TRIO: variants seen among roughly 807,000 people sequenced by gnomAD.
The protein encoded by TRIO is trio Rho guanine nucleotide exchange factor.
In TRIO, 58 loss-of-function variants were observed where a neutral mutation model predicts 351.9. That is an observed-to-expected ratio of 0.16 (90% CI 0.13 to 0.21). TRIO has a LOEUF of 0.21. TRIO is among the 10% of genes least tolerant of loss of function. TRIO has a pLI of 1.00. For missense variants in TRIO, 3,201 were observed against 4,027.8 expected (o/e 0.79, Z 5.56); for synonymous variants, 1,758 against 1,595.7 (o/e 1.10, Z -2.42).
At chr5:14,229,229 T>G (rs1793246415) in intron 1 of TRIO, among the ~76,000 whole-genome samples, 1 of 152,202 alleles carries the variant, frequency 6.6e-6, no homozygotes, top group African/African-American at 2.4e-5. Flanking sequence ...GGCTATTAAC[T>G]TTCTGTAAAT....
intron 1 of TRIO, among the ~76,000 whole-genome samples, chr5:14,181,213 A>G (rs1237143225): frequency 6.6e-6 from 1 of 151,826 alleles, no homozygotes; most frequent in Non-Finnish European, 1.5e-5. Flanking sequence ...TAGAATTTCT[A>G]CAAATACCGT....
chr5:14,311,103 T>C (rs1738886872), intron 8 of TRIO, among the ~76,000 whole-genome samples: 1 of 152,228 alleles, frequency 6.6e-6, no homozygotes, highest in Non-Finnish European at 1.5e-5. Flanking sequence ...ATATGACAGC[T>C]GTCTTCTTCT....
intron 33 of TRIO, 102 bp downstream of exon 33, chr5:14,406,774 T>C (rs912311146): frequency 1.6e-6 from 2 of 1,222,426 alleles, no homozygotes; most frequent in Admixed American, 1.9e-5. Context: ...ATCAACATTT[T>C]CAAGCAGTTG....
In TRIO at chr5:14,244,022, G is replaced by A. The variant is rs115984835; in HGVS notation, c.158-26803G>A. Reference sequence around the variant, plus strand: ...ACCTGCTTGGCTGTGCAGCTCAGCCGCTGCTGACCAAGGGGAGGCAATTTA... The same window carrying A: ...ACCTGCTTGGCTGTGCAGCTCAGCCACTGCTGACCAAGGGGAGGCAATTTA... On this transcript the variant is annotated intron_variant, in intron 1 of 56. Coordinates refer to ENST00000344204, the MANE Select transcript of TRIO (RefSeq NM_007118.4). 5.8e-3 allele frequency among the ~76,000 whole-genome samples: 882 copies of A among 152,308 alleles called. 6 individuals carry two copies. The highest frequency in any genetic ancestry group is 0.017 in the African/African-American group (711 of 41,558).
At chr5:14,342,322 T>C (rs1742010090) in intron 11 of TRIO, among the ~76,000 whole-genome samples, 1 of 152,198 alleles carries the variant, frequency 6.6e-6, no homozygotes. Flanking sequence ...CCAGATTTCT[T>C]TTCCTTCTTT....
intron 7 of TRIO, among the ~76,000 whole-genome samples, chr5:14,300,125 A>G (rs1017789357): frequency 6.6e-6 from 1 of 152,220 alleles, no homozygotes; most frequent in African/African-American, 2.4e-5. Context: ...TTACTGGTAG[A>G]TGTTGCTTAG....
intron 9 of TRIO, among the ~76,000 whole-genome samples, chr5:14,326,238 C>T (rs1333856340): frequency 6.6e-6 from 1 of 152,240 alleles, no homozygotes; most frequent in Non-Finnish European, 1.5e-5. Context: ...AGCAGGTGCT[C>T]AGATGGCGAG....
chr5:14,241,460 A>G (rs995600728), intron 1 of TRIO, among the ~76,000 whole-genome samples: 22 of 152,196 alleles, frequency 1.4e-4, no homozygotes, highest in Non-Finnish European at 1.2e-4. Flanking sequence ...ATCAGATGCT[A>G]TGGGAGTGGT....
chr5:14,349,268 CTGTG>C (rs1252428445), intron 11 of TRIO, among the ~76,000 whole-genome samples: 19 of 121,096 alleles, frequency 1.6e-4, no homozygotes, highest in African/African-American at 2.3e-4. Flanking sequence ...TGTGTTTTTC[CTGTG>C]TGTATGTGTG....
intron 1 of TRIO, among the ~76,000 whole-genome samples, chr5:14,213,676 G>C (rs1282083173): frequency 6.6e-6 from 1 of 152,074 alleles, no homozygotes; most frequent in East Asian, 1.9e-4. Flanking sequence ...GGAGAGAACT[G>C]TAAAGTCAGG....
At chr5:14,269,756 G>C (rs1795882907) in intron 1 of TRIO, among the ~76,000 whole-genome samples, 1 of 152,056 alleles carries the variant, frequency 6.6e-6, no homozygotes, top group Non-Finnish European at 1.5e-5. Context: ...CTTGACTTCA[G>C]TACTTTCCTT....
intron 53 of TRIO, among the ~76,000 whole-genome samples, chr5:14,500,050 C>CAAAAA (rs35276206): frequency 1.1e-5 from 1 of 91,108 alleles, no homozygotes; most frequent in African/African-American, 4.4e-5. Context: ...GACTCTGTCT[C>CAAAAA]AAAAAAAAAA....
intron 34 of TRIO, among the ~76,000 whole-genome samples, chr5:14,428,187 T>C (rs1393380114): frequency 6.6e-6 from 1 of 152,132 alleles, no homozygotes; most frequent in Non-Finnish European, 1.5e-5. Context: ...CTTCCAAAAA[T>C]GTAGGGTATT....
chr5:14,353,823 G>A (rs1743363210), intron 11 of TRIO, among the ~76,000 whole-genome samples: 1 of 152,222 alleles, frequency 6.6e-6, no homozygotes, highest in Non-Finnish European at 1.5e-5. Flanking sequence ...TTGCATAGAA[G>A]CACAGCTATG....
At chr5:14,247,536 C>A (rs936754300) in intron 1 of TRIO, among the ~76,000 whole-genome samples, 2 of 152,112 alleles carry the variant, frequency 1.3e-5, no homozygotes, top group Non-Finnish European at 2.9e-5. Context: ...TCATTTGAAC[C>A]CTGTTTGGGA....
intron 1 of TRIO, among the ~76,000 whole-genome samples, chr5:14,159,380 G>A (rs1234926407): frequency 6.6e-6 from 1 of 151,558 alleles, no homozygotes; most frequent in East Asian, 1.9e-4. Flanking sequence ...CAGTCCTGGT[G>A]GTGTCTTTTG....
chr5:14,429,320 G>A (rs1750905510), intron 34 of TRIO, among the ~76,000 whole-genome samples: 1 of 152,176 alleles, frequency 6.6e-6, no homozygotes. Context: ...GTGTGGCTTG[G>A]CTCTTGCCTT....
chr5:14,281,251 G>A (rs1188961027), intron 3 of TRIO, among the ~76,000 whole-genome samples: 1 of 152,160 alleles, frequency 6.6e-6, no homozygotes, highest in Non-Finnish European at 1.5e-5. Context: ...GAGCCCTCAG[G>A]AAACTTATGA....
intron 1 of TRIO, among the ~76,000 whole-genome samples, chr5:14,253,989 A>G (rs1040713331): frequency 2.6e-5 from 4 of 152,074 alleles, no homozygotes; most frequent in African/African-American, 9.7e-5. Flanking sequence ...TTTTTTGGAA[A>G]AAGTATTTTA....
Sources: gnomAD v4.1 joint callset for allele counts (sites outside exome capture counted in the v4.1 genomes callset) on GRCh38, gnomAD v4.1.1 for gene constraint, MANE v1.5 for transcripts, NCBI Gene and HGNC (gene_info 2026-07-23, HGNC 2026-07-21) for gene names.